Variants in HNF4G observed in about 807,000 individuals in gnomAD.
The protein encoded by HNF4G is hepatocyte nuclear factor 4 gamma, also known as hepatocyte nuclear factor 4-gamma.
HNF4G carries 21 observed loss-of-function variants against 50.9 expected under a neutral mutation model. The ratio of observed to expected loss-of-function variants is 0.41; its 90% CI spans 0.29 to 0.59. The LOEUF is 0.59. Among genes scored for constraint, HNF4G ranks in the 20% least tolerant of loss-of-function variants. HNF4G has a pLI of 0.26. For synonymous variants in HNF4G, 198 were observed against 185.6 expected, an observed-to-expected ratio of 1.07 and a Z score of -0.54; for missense variants, 527 against 559.4, an observed-to-expected ratio of 0.94 and a Z score of 0.58.
intron 2 of HNF4G, among the ~76,000 whole-genome samples, chr8:75,516,321 CCTA>C (rs760800102): frequency 4.1e-4 from 62 of 152,068 alleles, no homozygotes; most frequent in Non-Finnish European, 7.5e-4. Context: ...TCCTCTTTTA[CCTA>C]CGGGTTATTT....
At chr8:75,562,782 A>G (rs1026709317) in intron 9 of HNF4G, among the ~76,000 whole-genome samples, 1 of 152,176 alleles carries the variant, frequency 6.6e-6, no homozygotes, top group Non-Finnish European at 1.5e-5. Context: ...ACTTGGCTTT[A>G]CTATGCTCAT....
chr8:75,442,493 A>G (rs967732784), intron 1 of HNF4G, among the ~76,000 whole-genome samples: 6 of 152,106 alleles, frequency 3.9e-5, no homozygotes, highest in African/African-American at 1.4e-4. Context: ...AGGATCACTG[A>G]ACCCCAGGAA....
chr8:75,526,566 C>A (rs954859100), intron 2 of HNF4G, among the ~76,000 whole-genome samples: 17 of 151,770 alleles, frequency 1.1e-4, no homozygotes, highest in Admixed American at 5.9e-4. Flanking sequence ...CAGGGTCTTG[C>A]TCTATTGCCC....
At chr8:75,477,405 A>G (rs931170131) in intron 1 of HNF4G, among the ~76,000 whole-genome samples, 1 of 152,170 alleles carries the variant, frequency 6.6e-6, no homozygotes, top group Non-Finnish European at 1.5e-5. Flanking sequence ...TTTACAGTCA[A>G]ATTCTTCAAG....
chr8:75,533,404 CA>C (rs1806381227), intron 2 of HNF4G, among the ~76,000 whole-genome samples: 1 of 151,892 alleles, frequency 6.6e-6, no homozygotes. Context: ...GGGGGTTCTT[CA>C]AAAGTTCTCC....
At chr8:75,560,291 C>T (rs558903440) in intron 8 of HNF4G, 53 bp from the exon 9 acceptor site, 12 of 1,582,596 alleles carry the variant, frequency 7.6e-6, no homozygotes, top group Middle Eastern at 1.7e-4. Flanking sequence ...TCAAGGTAAA[C>T]TTGCTGTTCC....
chr8:75,408,924 T>C (rs79525896), intron 1 of HNF4G, among the ~76,000 whole-genome samples: 197 of 152,356 alleles, frequency 1.3e-3, no homozygotes, highest in African/African-American at 4.4e-3. Flanking sequence ...GCTTTCTCGT[T>C]AATTTTACAG....
At chr8:75,483,604 C>T (rs1342041148) in intron 1 of HNF4G, among the ~76,000 whole-genome samples, 1 of 152,080 alleles carries the variant, frequency 6.6e-6, no homozygotes, top group Non-Finnish European at 1.5e-5. Flanking sequence ...ATTTTTTCCT[C>T]CCTAAAACGT....
At chr8:75,511,671 A>T (rs1279655704) in intron 2 of HNF4G, among the ~76,000 whole-genome samples, 2 of 152,210 alleles carry the variant, frequency 1.3e-5, no homozygotes, top group Non-Finnish European at 2.9e-5. Context: ...GCTCACTGCA[A>T]GCTCTGCCTC....
intron 2 of HNF4G, among the ~76,000 whole-genome samples, chr8:75,518,693 G>A (rs2130740837): frequency 6.6e-6 from 1 of 152,140 alleles, no homozygotes; most frequent in Middle Eastern, 3.4e-3. Context: ...AGAGTACCAA[G>A]TCCCAAGACT....
chr8:75,418,183 T>G (rs1226877979), intron 1 of HNF4G, among the ~76,000 whole-genome samples: 3 of 152,162 alleles, frequency 2.0e-5, no homozygotes, highest in African/African-American at 7.2e-5. Flanking sequence ...CCTGGTGTCC[T>G]CATGTGGCCG....
rs1486313442 is a variant in HNF4G at position 75,551,480 on chromosome 8, G to T, written c.475G>T (p.Val159Phe). Residue 159 changes from valine to phenylalanine, a missense_variant, in exon 4 of 10, where the codon GTT becomes TTT. Physicochemically the swap from Val to Phe is conservative, Grantham distance 50. Around this residue, in one of 5 missense-constraint regions of HNF4G, gnomAD observed 128 missense variants for 135.3 expected, o/e 0.95. Coordinates refer to ENST00000396423, the MANE Select transcript of HNF4G (RefSeq NM_004133.5). ...CATTAACACACTGGCACAAGCTGAA[G>T]TTCGGTCTCGCCAGGTACCTGTGGC... ...PSINTLAQAE[V>F]RSRQISVSSP... The T allele has an allele frequency of 3.1e-6, 5 of 1,607,464 alleles. No homozygotes were observed. In the South Asian group the frequency reaches 5.5e-5, roughly 18 times the overall value.
chr8:75,542,551 A>T (rs1293693164), intron 1 of HNF4G, among the ~76,000 whole-genome samples: 1 of 151,790 alleles, frequency 6.6e-6, no homozygotes, highest in East Asian at 1.9e-4. Flanking sequence ...AAAAAAAAAA[A>T]AAAAGACGGT....
At chr8:75,518,901 GA>G (rs1384894650) in intron 2 of HNF4G, among the ~76,000 whole-genome samples, 2 of 152,116 alleles carry the variant, frequency 1.3e-5, no homozygotes, top group African/African-American at 4.8e-5. Context: ...TTTCTCCTCA[GA>G]AAATGGGTTT....
At chr8:75,441,193 G>A (rs1037975890) in intron 1 of HNF4G, among the ~76,000 whole-genome samples, 3 of 151,306 alleles carry the variant, frequency 2.0e-5, no homozygotes, top group Admixed American at 2.0e-4. Context: ...TAACATGAGA[G>A]CTACCTTGTA....
chr8:75,518,542 T>C (rs1189442852), intron 2 of HNF4G, among the ~76,000 whole-genome samples: 3 of 152,116 alleles, frequency 2.0e-5, no homozygotes, highest in African/African-American at 7.2e-5. Flanking sequence ...ATATGTTTAT[T>C]GCGGCACTAA....
intron 1 of HNF4G, among the ~76,000 whole-genome samples, chr8:75,468,931 G>GA (rs567462862): frequency 0.17 from 24,111 of 142,548 alleles, 2,198 homozygotes; most frequent in African/African-American, 0.26. Context: ...GAGGTTAAGA[G>GA]AAAAAAAAAA....
At chr8:75,486,942 C>T (rs1323700517) in intron 1 of HNF4G, among the ~76,000 whole-genome samples, 2 of 152,096 alleles carry the variant, frequency 1.3e-5, no homozygotes, top group Non-Finnish European at 2.9e-5. Flanking sequence ...ATCGAGGCGG[C>T]AGTGAGCCGC....
intron 1 of HNF4G, among the ~76,000 whole-genome samples, chr8:75,429,257 G>T (rs1470142615): frequency 1.3e-5 from 2 of 152,132 alleles, no homozygotes; most frequent in Non-Finnish European, 2.9e-5. Flanking sequence ...TCTAGGATCA[G>T]GTACTGACTC....
Sources: gnomAD v4.1 joint callset for allele counts (sites outside exome capture counted in the v4.1 genomes callset) on GRCh38, gnomAD v4.1.1 for gene constraint, gnomAD v4.1.1 regional missense constraint, MANE v1.5 for transcripts, NCBI Gene and HGNC (gene_info 2026-07-23, HGNC 2026-07-21) for gene names.